RC3H2: variants seen among roughly 807,000 people sequenced by gnomAD.
RC3H2 encodes the protein roquin-2.
RC3H2 carries 31 observed loss-of-function variants against 133.3 expected under a neutral mutation model. The observed-to-expected ratio is 0.23, with a 90% CI of 0.17 to 0.31. The LOEUF is 0.31. Among genes scored for constraint, RC3H2 ranks in the 10% least tolerant of loss-of-function variants. The pLI, the probability that RC3H2 is intolerant of heterozygous loss-of-function variation, is 1.00. For missense variants in RC3H2, 1,175 were observed against 1,437.2 expected (o/e 0.82, Z 2.95); for synonymous variants, 517 against 502.2 (o/e 1.03, Z -0.40).
chr9:122,899,822 C>A (rs1056420498), intron 1 of RC3H2, among the ~76,000 whole-genome samples: 7 of 152,200 alleles, frequency 4.6e-5, no homozygotes, highest in Non-Finnish European at 1.0e-4. Flanking sequence ...GAAAACAGGA[C>A]ACTGCGTGTA....
chr9:122,865,242 T>C (rs1830595123), intron 10 of RC3H2, 107 bp downstream of exon 10: 2 of 1,013,354 alleles, frequency 2.0e-6, no homozygotes, highest in South Asian at 1.7e-5. Context: ...CAAAATATTC[T>C]GCATAAAAAT....
At chr9:122,866,595 C>T (rs1186774192) in intron 9 of RC3H2, among the ~76,000 whole-genome samples, 1 of 152,036 alleles carries the variant, frequency 6.6e-6, no homozygotes, top group Non-Finnish European at 1.5e-5. Context: ...TTGGTGAAGA[C>T]GGGGTTTCAC....
intron 5 of RC3H2, among the ~76,000 whole-genome samples, chr9:122,882,645 A>G (rs1394130867): frequency 2.0e-5 from 3 of 152,218 alleles, no homozygotes. Flanking sequence ...CTATTAGACA[A>G]TGAAACTACA....
At chr9:122,853,767 G>T in intron 18 of RC3H2, 185 bp downstream of exon 18, 21 of 1,421,560 alleles carry the variant, frequency 1.5e-5, no homozygotes, top group Non-Finnish European at 2.0e-5. Flanking sequence ...AAATCCCGAT[G>T]ATCTAGTTAA....
In RC3H2 at chr9:122,877,518, T is replaced by G. The variant is rs1831393236; in HGVS notation, c.1278A>C (p.Pro426=). ...CRDLRQQGGC[P]RGTNCTFAHS... ...GGGCAAATGTACAATTTGTTCCTCG[T>G]GGACAACCCCCTTGCTGTCGCAAAT... The change falls in exon 9 of 21, where the codon CCA becomes CCC. Residue 426 remains proline (P), a synonymous_variant. Coordinates refer to ENST00000357244, the MANE Select transcript of RC3H2 (RefSeq NM_001100588.3). 6.2e-7 allele frequency: 1 copy of G among 1,614,100 alleles called. No homozygotes were observed. The highest frequency in any genetic ancestry group is 1.3e-5 in the African/African-American group (1 of 74,950).
In RC3H2 at chr9:122,846,449, G is replaced by A. The variant is rs977017631; in HGVS notation, c.*3178C>T. 6.6e-6 allele frequency: 1 copy of A among 151,986 alleles called. No individual in the cohort carries two copies. Among genetic ancestry groups the A allele is most frequent in the African/African-American group, 2.4e-5 (1 of 41,368 alleles). The allele number at this position is 151,986 out of a possible 1,614,324, so 9.4% of individuals were successfully genotyped here. ...AGGCAAGGGAATCTGCTTTGTTCAGGTACCAACTAGAAAAAATATATATGT... is the reference window on the plus strand; with the variant it reads ...AGGCAAGGGAATCTGCTTTGTTCAGATACCAACTAGAAAAAATATATATGT... On this transcript the variant is annotated 3_prime_UTR_variant, in exon 21 of 21. Coordinates refer to ENST00000357244, the MANE Select transcript of RC3H2 (RefSeq NM_001100588.3).
chr9:122,894,511 C>T (rs1036084874), intron 2 of RC3H2, among the ~76,000 whole-genome samples: 3 of 151,892 alleles, frequency 2.0e-5, no homozygotes, highest in African/African-American at 4.8e-5. Flanking sequence ...GAAATACTAG[C>T]GAGGGGTTAC....
intron 1 of RC3H2, among the ~76,000 whole-genome samples, chr9:122,902,982 G>C (rs955648258): frequency 6.6e-6 from 1 of 151,726 alleles, no homozygotes; most frequent in Non-Finnish European, 1.5e-5. Flanking sequence ...AAAAATCTTG[G>C]TACTAAGTCT....
rs756632087 is a variant in RC3H2 at position 122,860,095 on chromosome 9, A to G, written c.1671T>C (p.Asn557=). ...AGGGCCCAGCTGAGGTAGCTGCTAC[A>G]TTACTTACAGGAGTCTTGGGTGGAG... The part of the protein sequence containing the change: ...IGSPPKTPVS[N]VAATSAGPSN... The change falls in exon 11 of 21, where the codon AAT becomes AAC. Residue 557 remains asparagine (N), a synonymous_variant. Transcript: ENST00000357244. 3.2e-5 allele frequency: 52 copies of G among 1,614,040 alleles called. No individual in the cohort carries two copies. In the South Asian group the frequency reaches 5.2e-4, roughly 16 times the overall value.
intron 9 of RC3H2, among the ~76,000 whole-genome samples, chr9:122,870,709 C>T (rs772844371): frequency 1.3e-5 from 2 of 152,282 alleles, no homozygotes; most frequent in South Asian, 2.1e-4. Flanking sequence ...CACCACCATG[C>T]GTAACTCTCC....
chr9:122,891,348 T>C (rs1309497146), intron 3 of RC3H2, among the ~76,000 whole-genome samples: 1 of 152,136 alleles, frequency 6.6e-6, no homozygotes, highest in Non-Finnish European at 1.5e-5. Context: ...TCTTCTCTTA[T>C]GCAGCAAATT....
At chr9:122,856,507 G>C (rs966547254) in intron 13 of RC3H2, among the ~76,000 whole-genome samples, 1 of 152,152 alleles carries the variant, frequency 6.6e-6, no homozygotes. Context: ...CACCCACTTC[G>C]ATCTTCCAAA....
intron 9 of RC3H2, among the ~76,000 whole-genome samples, chr9:122,869,936 A>G (rs1371392136): frequency 6.6e-6 from 1 of 152,158 alleles, no homozygotes; most frequent in Non-Finnish European, 1.5e-5. Context: ...GAGCAGACCT[A>G]TATTTCAGGA....
chr9:122,865,624 A>T lies in RC3H2; in HGVS notation c.1359T>A (p.Thr453=). 6.2e-7 allele frequency: 1 copy of T among 1,613,424 alleles called. No individual in the cohort carries two copies. Residue 453 remains threonine (T), a synonymous_variant, in exon 10 of 21, where the codon ACT becomes ACA. Transcript: ENST00000357244. The part of the protein sequence containing the change: ...YRLRNKKINA[T]VRTFPLLNKV... ...TATTTAGAAGAGGAAACGTTCTTAC[A>T]GTGGCATTGATCTTTTTGTTCCTTA... is the stretch of plus-strand genomic sequence containing the variant.
intron 18 of RC3H2, among the ~76,000 whole-genome samples, chr9:122,851,778 C>T (rs1044986044): frequency 1.3e-5 from 2 of 152,266 alleles, no homozygotes; most frequent in African/African-American, 2.4e-5. Flanking sequence ...GGATTGCAGA[C>T]GGAGTCTGGT....
chr9:122,869,699 CA>C, intron 9 of RC3H2, among the ~76,000 whole-genome samples: 2 of 151,562 alleles, frequency 1.3e-5, no homozygotes, highest in Non-Finnish European at 2.9e-5. Context: ...AGTACAGGTG[CA>C]CATTATAGGC....
At chr9:122,888,712 T>C (rs1159006447) in intron 4 of RC3H2, among the ~76,000 whole-genome samples, 3 of 152,202 alleles carry the variant, frequency 2.0e-5, no homozygotes, top group African/African-American at 7.2e-5. Context: ...ATACCACAGT[T>C]TATTATACTA....
chr9:122,867,738 CG>C, intron 9 of RC3H2, among the ~76,000 whole-genome samples: 1 of 100,690 alleles, frequency 9.9e-6, no homozygotes. Context: ...AGGTGAGGAG[CG>C]TCTCTGCCCA....
intron 15 of RC3H2, 82 bp downstream of exon 15, chr9:122,855,102 G>C: frequency 9.3e-7 from 1 of 1,081,010 alleles, no homozygotes; most frequent in Non-Finnish European, 1.3e-6. Flanking sequence ...AACAGAGTGA[G>C]ACTCTGTCTC....
Sources: gnomAD v4.1 joint callset for allele counts (sites outside exome capture counted in the v4.1 genomes callset) on GRCh38, gnomAD v4.1.1 for gene constraint, MANE v1.5 for transcripts, NCBI Gene and HGNC (gene_info 2026-07-23, HGNC 2026-07-21) for gene names.